The following FRMPD4 variants were observed in gnomAD, a reference collection of about 807,000 sequenced individuals.
FRMPD4 encodes FERM and PDZ domain-containing protein 4.
In FRMPD4, 22 loss-of-function variants were observed where a neutral mutation model predicts 94.1. The observed-to-expected ratio is 0.23, with a 90% CI of 0.17 to 0.33. The LOEUF (loss-of-function observed/expected upper bound fraction) is 0.33, where lower values mean the gene tolerates loss of function less well. FRMPD4 is among the 10% of genes least tolerant of loss of function. The probability of loss-of-function intolerance (pLI) is 1.00; values close to 1 mark genes in which losing one functional copy is unlikely to be tolerated. For synonymous variants in FRMPD4, 631 were observed against 548.6 expected (o/e 1.15, Z -2.10); for missense variants, 1,111 against 1,339.9 (o/e 0.83, Z 2.67).
chrX:12,176,307 A>G (rs1381845746), intron 1 of FRMPD4, among the ~76,000 whole-genome samples: 2 of 111,809 alleles, frequency 1.8e-5, no homozygotes, highest in Non-Finnish European at 3.8e-5. Flanking sequence ...AATTTCTCTC[A>G]CTCAGCCATA....
chrX:12,377,810 C>T (rs769870829), intron 1 of FRMPD4, among the ~76,000 whole-genome samples: 1 of 112,601 alleles, frequency 8.9e-6, no homozygotes, highest in Non-Finnish European at 1.9e-5. Flanking sequence ...GTAATAAAAG[C>T]TCCTGGGAAT....
intron 11 of FRMPD4, 103 bp from the exon 12 acceptor site, chrX:12,706,723 G>T: frequency 2.3e-6 from 1 of 436,149 alleles, no homozygotes; most frequent in East Asian, 3.8e-5. Context: ...CTTTTCAGCC[G>T]TAAAATCATC....
chrX:12,185,643 T>C (rs1223904814), intron 1 of FRMPD4, among the ~76,000 whole-genome samples: 2 of 111,267 alleles, frequency 1.8e-5, no homozygotes, highest in African/African-American at 6.5e-5. Context: ...GGGAAAAAAC[T>C]GTTCATGGAG....
chrX:12,585,764 G>A (rs1052673309), intron 2 of FRMPD4, among the ~76,000 whole-genome samples: 1 of 111,999 alleles, frequency 8.9e-6, no homozygotes, highest in Non-Finnish European at 1.9e-5. Flanking sequence ...GATTTGAGAT[G>A]TGCTGTAAGT....
At chrX:12,680,765 G>C (rs759004731) in intron 5 of FRMPD4, among the ~76,000 whole-genome samples, 15 of 111,396 alleles carry the variant, frequency 1.3e-4, no homozygotes, top group Non-Finnish European at 1.7e-4. Flanking sequence ...AATAAATACA[G>C]GAATGAAGTT....
intron 1 of FRMPD4, among the ~76,000 whole-genome samples, chrX:11,858,411 A>G (rs1343000696): frequency 9.0e-6 from 1 of 111,234 alleles, no homozygotes; most frequent in East Asian, 2.8e-4. Flanking sequence ...AGGGACATGG[A>G]TGGAGCTGAA....
rs2042227953 is a variant in FRMPD4, at chrX:12,720,999, A to G, written c.4430A>G (p.His1477Arg). The change falls in exon 17 of 17, where the codon CAT becomes CGT. Residue 1477 changes from histidine to arginine, a missense_variant. Coordinates refer to ENST00000675598, the MANE Select transcript of FRMPD4 (RefSeq NM_001368397.1). ...GRFHKRSPVA[H>R]KDSKLYRTLP... is the part of the protein sequence containing the mutation. ...TTTCACAAAAGGTCCCCAGTGGCTC[A>G]TAAAGACTCAAAGCTGTATAGGACA... 1 of 770,405 alleles carries G rather than the reference A, an allele frequency of 1.3e-6. No individual in the cohort carries two copies. Among genetic ancestry groups the G allele is most frequent in the South Asian group, 6.4e-5 (1 of 15,644 alleles). 63.5% of individuals were successfully genotyped at this position (770,405 alleles called of 1,213,427 possible). A position where few individuals can be genotyped will look rare whatever the true frequency, so the allele number is the denominator to read the frequency against.
At chrX:12,417,328 C>T (rs775678995) in intron 1 of FRMPD4, among the ~76,000 whole-genome samples, 1 of 110,873 alleles carries the variant, frequency 9.0e-6, no homozygotes, top group African/African-American at 3.3e-5. Context: ...CCTGTAATCC[C>T]AGCACTTTGG....
At chrX:12,697,555 G>C (rs1183343414) in intron 9 of FRMPD4, among the ~76,000 whole-genome samples, 2 of 112,396 alleles carry the variant, frequency 1.8e-5, no homozygotes, top group Non-Finnish European at 3.8e-5. Flanking sequence ...GAACAATGTG[G>C]TTGCATTTGT....
chrX:12,548,189 G>C (rs955817543), intron 2 of FRMPD4, among the ~76,000 whole-genome samples: 1 of 112,031 alleles, frequency 8.9e-6, no homozygotes, highest in African/African-American at 3.2e-5. Flanking sequence ...TGAAGTGTGA[G>C]ATGTCTGAAA....
intron 2 of FRMPD4, among the ~76,000 whole-genome samples, chrX:12,516,202 A>C (rs2148259708): frequency 9.0e-6 from 1 of 111,712 alleles, no homozygotes; most frequent in South Asian, 3.8e-4. Context: ...ATTTACATTT[A>C]AGGTTAATAT....
chrX:12,658,553 C>T (rs1262764170), intron 4 of FRMPD4, among the ~76,000 whole-genome samples: 1 of 112,127 alleles, frequency 8.9e-6, no homozygotes, highest in East Asian at 2.8e-4. Context: ...ACCACCCTGT[C>T]ATTTGTTCTA....
At chrX:12,260,946 C>T (rs1212990984) in intron 1 of FRMPD4, among the ~76,000 whole-genome samples, 1 of 111,451 alleles carries the variant, frequency 9.0e-6, no homozygotes, top group Admixed American at 9.5e-5. Context: ...CCCAAACAGC[C>T]CTCCCCTGGG....
At chrX:12,506,389 A>G (rs1170713290) in intron 2 of FRMPD4, among the ~76,000 whole-genome samples, 1 of 111,344 alleles carries the variant, frequency 9.0e-6, no homozygotes, top group African/African-American at 3.3e-5. Flanking sequence ...CCTGGGTTGA[A>G]GAGATTCTCC....
chrX:12,533,223 G>A (rs900826227), intron 2 of FRMPD4, among the ~76,000 whole-genome samples: 3 of 112,005 alleles, frequency 2.7e-5, no homozygotes, highest in Admixed American at 9.5e-5. Context: ...CCCTGCACAA[G>A]CTCTCTTGTC....
intron 1 of FRMPD4, among the ~76,000 whole-genome samples, chrX:12,256,041 G>A (rs1242055398): frequency 8.9e-6 from 1 of 112,143 alleles, no homozygotes; most frequent in Admixed American, 9.4e-5. Context: ...TCTAGAGGTT[G>A]GATGTCAGCA....
intron 13 of FRMPD4, among the ~76,000 whole-genome samples, chrX:12,709,755 T>A (rs1199139634): frequency 1.8e-5 from 2 of 112,388 alleles, no homozygotes; most frequent in African/African-American, 6.5e-5. Flanking sequence ...AATTTACCAG[T>A]TTAACATGTT....
chrX:12,696,373 A>T (rs2060129140), intron 9 of FRMPD4, among the ~76,000 whole-genome samples: 1 of 110,972 alleles, frequency 9.0e-6, no homozygotes, highest in South Asian at 3.8e-4. Context: ...CCAAGTTGAT[A>T]TTTATGAGGT....
intron 1 of FRMPD4, among the ~76,000 whole-genome samples, chrX:12,387,186 T>C (rs2056408100): frequency 8.9e-6 from 1 of 112,315 alleles, no homozygotes; most frequent in South Asian, 3.7e-4. Context: ...TGTTTAATGA[T>C]ATTAGGAAGC....
Sources: gnomAD v4.1 joint callset for allele counts (sites outside exome capture counted in the v4.1 genomes callset) on GRCh38, gnomAD v4.1.1 for gene constraint, MANE v1.5 for transcripts, NCBI Gene and HGNC (gene_info 2026-07-23, HGNC 2026-07-21) for gene names.